The following OGFOD1 variants were observed in gnomAD, a reference collection of about 807,000 sequenced individuals.
The protein encoded by OGFOD1 is prolyl 3-hydroxylase OGFOD1.
A neutral mutation model predicts 67.7 loss-of-function variants in OGFOD1; 54 were observed. The ratio of observed to expected loss-of-function variants is 0.80; its 90% CI spans 0.64 to 1.00. The LOEUF (loss-of-function observed/expected upper bound fraction) is 1.00. Ranked by LOEUF, OGFOD1 falls within the 50% of genes least tolerant of loss-of-function variation. OGFOD1 has a pLI of 0.00. For missense variants in OGFOD1, 606 were observed against 646.7 expected (o/e 0.94, Z 0.68); for synonymous variants, 221 against 227.0 (o/e 0.97, Z 0.24).
chr16:56,453,910 G>C (rs1962423670), intron 2 of OGFOD1, among the ~76,000 whole-genome samples: 1 of 152,140 alleles, frequency 6.6e-6, no homozygotes, highest in Non-Finnish European at 1.5e-5. Context: ...GTAATAATAA[G>C]GGTGAATGTG....
At chr16:56,454,138 A>C (rs1962431721) in intron 2 of OGFOD1, among the ~76,000 whole-genome samples, 1 of 152,138 alleles carries the variant, frequency 6.6e-6, no homozygotes. Flanking sequence ...GCCTGAGGTC[A>C]GGAGTTCGAG....
In OGFOD1 at chr16:56,453,393, A is replaced by C. The variant is rs764768580; in HGVS notation, c.285A>C (p.Leu95Phe). 2 of 1,611,670 alleles carry C rather than the reference A, an allele frequency of 1.2e-6. No individual in the cohort carries two copies. Among genetic ancestry groups the C allele is most frequent in the Admixed American group, 1.7e-5 (1 of 59,406 alleles). ...NLDFHEKYND[L>F]YKFQQSDDLK... Reference sequence around the variant, plus strand: ...ACTTCCATGAGAAGTATAATGATTTATATAAGTTCCAGCAGGTATTTATTC... The same window carrying C: ...ACTTCCATGAGAAGTATAATGATTTCTATAAGTTCCAGCAGGTATTTATTC... Residue 95 changes from leucine (L) to phenylalanine (F), a missense_variant, in exon 2 of 13, where the codon TTA (leucine) becomes TTC (phenylalanine). By Grantham distance (22) the Leu-to-Phe change is conservative (BLOSUM62 0). Coordinates refer to ENST00000566157, the MANE Select transcript of OGFOD1 (RefSeq NM_018233.4).
At chr16:56,463,529 T>A (rs1389713242) in intron 4 of OGFOD1, among the ~76,000 whole-genome samples, 1 of 151,544 alleles carries the variant, frequency 6.6e-6, no homozygotes, top group Admixed American at 6.6e-5. Flanking sequence ...TTCAAGTGAT[T>A]CTCCTGCCTC....
chr16:56,470,397 G>GCT (rs1963110046), intron 9 of OGFOD1, 90 bp from the exon 10 acceptor site: 1 of 1,187,350 alleles, frequency 8.4e-7, no homozygotes, highest in East Asian at 2.3e-5. Context: ...GATTTAGGAA[G>GCT]AGAGGTACAA....
Position 56,467,907 on chromosome 16 carries a change from T to C in OGFOD1, c.789T>C (p.His263=), listed in dbSNP as rs1245574752. 2 of 1,508,584 alleles carry C rather than the reference T, an allele frequency of 1.3e-6. No homozygotes were observed. The highest frequency in any genetic ancestry group is 1.8e-6 in the Non-Finnish European group (2 of 1,083,902). 93.4% of individuals were successfully genotyped at this position (1,508,584 alleles called of 1,614,324 possible). The change falls in exon 8 of 13, where the codon CAT becomes CAC. Residue 263 remains histidine (H), a splice_region_variant and synonymous_variant. Transcript: ENST00000566157. ...IPRSPHIPQD[H]EILYDWINPT... Reference sequence around the variant, plus strand: ...TGCATCTGCTGCCTCTTCGTAAGCATGAGATTTTGTATGATTGGATCAACC... The same window carrying C: ...TGCATCTGCTGCCTCTTCGTAAGCACGAGATTTTGTATGATTGGATCAACC...
Position 56,470,228 on chromosome 16 carries a change from G to GA in OGFOD1, c.980+152dup, listed in dbSNP as rs1354286429. 9 of 750,650 alleles carry GA rather than the reference G, an allele frequency of 1.2e-5. No homozygotes were observed. The African/African-American group carries it at 1.4e-4, about 12-fold the overall frequency. 46.5% of individuals were successfully genotyped at this position (750,650 alleles called of 1,614,324 possible). ...TGAAAGAAAATCAAATAACCAACAG[G>GA]AAAAAATATACAATCATGCACCAAG... is the stretch of plus-strand genomic sequence containing the variant. On this transcript the variant is annotated intron_variant, in intron 9 of 12. Transcript: ENST00000566157.
intron 3 of OGFOD1, among the ~76,000 whole-genome samples, chr16:56,460,007 C>G (rs1050446913): frequency 6.6e-6 from 1 of 151,836 alleles, no homozygotes; most frequent in Admixed American, 6.6e-5. Context: ...TATATTTTTT[C>G]TCTGCAGTAC....
At chr16:56,472,162 A>C (rs1469220830) in intron 10 of OGFOD1, among the ~76,000 whole-genome samples, 2 of 150,320 alleles carry the variant, frequency 1.3e-5, no homozygotes, top group African/African-American at 4.9e-5. Flanking sequence ...TAAAGATGGG[A>C]TCTTGCCATG....
intron 10 of OGFOD1, among the ~76,000 whole-genome samples, chr16:56,472,955 AG>A (rs1472253418): frequency 6.7e-6 from 1 of 148,944 alleles, no homozygotes; most frequent in Non-Finnish European, 1.5e-5. Context: ...GTTTGGAGAC[AG>A]AGTCTCGCTC....
intron 3 of OGFOD1, among the ~76,000 whole-genome samples, chr16:56,462,235 C>G (rs1962735700): frequency 6.6e-6 from 1 of 152,190 alleles, no homozygotes; most frequent in Admixed American, 6.5e-5. Context: ...GCTGCCATGA[C>G]AGGGCATACT....
chr16:56,464,468 T>C (rs1387192948), intron 4 of OGFOD1, among the ~76,000 whole-genome samples: 1 of 152,244 alleles, frequency 6.6e-6, no homozygotes, highest in Non-Finnish European at 1.5e-5. Flanking sequence ...ATTATTACCA[T>C]GAAGGTTGCC....
intron 1 of OGFOD1, 136 bp downstream of exon 1, chr16:56,451,902 C>T (rs1340767707): frequency 6.6e-6 from 6 of 907,854 alleles, no homozygotes; most frequent in Non-Finnish European, 9.6e-6. Flanking sequence ...CCACCTCCTA[C>T]TCTCCTGCCT....
chr16:56,460,237 A>ATGG (rs1962667996), intron 3 of OGFOD1, among the ~76,000 whole-genome samples: 1 of 152,244 alleles, frequency 6.6e-6, no homozygotes, highest in African/African-American at 2.4e-5. Flanking sequence ...TTACAGCCAG[A>ATGG]TGGTGAGCAA....
At chr16:56,464,693 G>A (rs554809096) in intron 4 of OGFOD1, among the ~76,000 whole-genome samples, 5 of 151,928 alleles carry the variant, frequency 3.3e-5, no homozygotes, top group East Asian at 3.9e-4. Flanking sequence ...TGACTTCTGC[G>A]TTCTTTTGCT....
chr16:56,475,407 GATCCCCCACTGTTAAGCAGC>G, intron 11 of OGFOD1, 80 bp from the exon 12 acceptor site: 1 of 1,069,074 alleles, frequency 9.4e-7, no homozygotes, highest in Non-Finnish European at 1.5e-6. Flanking sequence ...TGAACTCCCA[GATCCCCCACTGTTAAGCAGC>G]ATGGGATCAG....
At chr16:56,452,082 G>A in intron 1 of OGFOD1, 1 of 281,380 alleles carries the variant, frequency 3.6e-6, no homozygotes, top group African/African-American at 2.2e-5. Context: ...GCGTCGCCAG[G>A]CAATGGAATT....
rs777737246 is a variant in OGFOD1 at position 56,451,739 on chromosome 16, T to C, written c.127T>C (p.Trp43Arg). The C allele has an allele frequency of 6.2e-7, 1 of 1,612,742 alleles. No homozygotes were observed. ...CTTGAAAAAGCAGGTGGCTGAGGCC[T>C]GGAGCCGCAGGACGCCGTTCAGTCA... ...ETLKKQVAEA[W>R]SRRTPFSHEV... Residue 43 changes from tryptophan (W) to arginine (R), a missense_variant, in exon 1 of 13, where the codon TGG becomes CGG. Coordinates refer to ENST00000566157, the MANE Select transcript of OGFOD1 (RefSeq NM_018233.4).
intron 2 of OGFOD1, 140 bp from the exon 3 acceptor site, chr16:56,458,408 G>A: frequency 1.4e-6 from 1 of 736,434 alleles, no homozygotes; most frequent in East Asian, 2.6e-5. Context: ...GAGGGGCCCT[G>A]TGTTAAACCT....
At chr16:56,466,492 A>C (rs1366230424) in intron 5 of OGFOD1, among the ~76,000 whole-genome samples, 1 of 152,192 alleles carries the variant, frequency 6.6e-6, no homozygotes, top group African/African-American at 2.4e-5. Flanking sequence ...AATCCATTTA[A>C]GATGAGAAAT....
Sources: allele counts gnomAD v4.1 joint callset (sites outside exome capture counted in the v4.1 genomes callset), GRCh38; gene constraint gnomAD v4.1.1; transcripts MANE v1.5; gene names NCBI Gene and HGNC (gene_info 2026-07-23, HGNC 2026-07-21).